KCNK10: variants seen among roughly 807,000 people sequenced by gnomAD.
KCNK10 encodes potassium channel subfamily K member 10.
In KCNK10, 25 loss-of-function variants were observed where a neutral mutation model predicts 47.7. That is an observed-to-expected ratio of 0.52 (90% CI 0.38 to 0.73). KCNK10 has a LOEUF of 0.73. Among genes scored for constraint, KCNK10 ranks in the 30% least tolerant of loss-of-function variants. The pLI, the probability that KCNK10 is intolerant of heterozygous loss-of-function variation, is 0.00. For missense variants in KCNK10, 563 were observed against 714.5 expected (o/e 0.79, Z 2.42); for synonymous variants, 303 against 285.6 (o/e 1.06, Z -0.61).
At chr14:88,272,118 C>T (rs1043699715) in intron 1 of KCNK10, among the ~76,000 whole-genome samples, 1 of 152,108 alleles carries the variant, frequency 6.6e-6, no homozygotes, top group East Asian at 1.9e-4. Flanking sequence ...AAAGACAGTC[C>T]CTTCTCCAAG....
chr14:88,288,112 CAT>C (rs1230403378), intron 1 of KCNK10, among the ~76,000 whole-genome samples: 2 of 151,952 alleles, frequency 1.3e-5, no homozygotes, highest in Admixed American at 1.3e-4. Context: ...AGCATTTTTT[CAT>C]ATGTTTGTTG....
At chr14:88,308,327 T>C (rs777573345) in intron 1 of KCNK10, among the ~76,000 whole-genome samples, 1 of 152,198 alleles carries the variant, frequency 6.6e-6, no homozygotes, top group African/African-American at 2.4e-5. Context: ...GGATTCTTAA[T>C]GGACACCCCA....
chr14:88,293,749 C>G (rs1355341796), intron 1 of KCNK10, among the ~76,000 whole-genome samples: 1 of 152,008 alleles, frequency 6.6e-6, no homozygotes, highest in Admixed American at 6.6e-5. Flanking sequence ...AATCATAGCT[C>G]ACCGTAACTT....
intron 4 of KCNK10, among the ~76,000 whole-genome samples, chr14:88,205,773 A>C (rs561842485): frequency 6.6e-6 from 1 of 151,556 alleles, no homozygotes; most frequent in South Asian, 2.1e-4. Context: ...CAATCTCTTG[A>C]CCTCATGATC....
chr14:88,263,316 C>G lies in KCNK10; in HGVS notation c.288G>C (p.Arg96=). Residue 96 remains arginine, a synonymous_variant, in exon 2 of 7, where the codon CGG becomes CGC. Transcript: ENST00000319231. Reference sequence around the variant, plus strand: ...TGCTCTCAAAGGGCTGCTCCAATGCCCGGAAGACAAGACCGCCAGTGACAA... The same window carrying G: ...TGCTCTCAAAGGGCTGCTCCAATGCGCGGAAGACAAGACCGCCAGTGACAA... The part of the protein sequence containing the change: ...VYLVTGGLVF[R]ALEQPFESSQ... 1 of 1,614,040 alleles carries G rather than the reference C, an allele frequency of 6.2e-7. No individual in the cohort carries two copies.
chr14:88,208,866 C>T (rs1455190608), intron 4 of KCNK10, among the ~76,000 whole-genome samples: 1 of 152,114 alleles, frequency 6.6e-6, no homozygotes, highest in Non-Finnish European at 1.5e-5. Context: ...TTTGTGACTA[C>T]TCGGGAGTGA....
At chr14:88,308,131 A>G (rs760337261) in intron 1 of KCNK10, among the ~76,000 whole-genome samples, 1 of 152,132 alleles carries the variant, frequency 6.6e-6, no homozygotes, top group Non-Finnish European at 1.5e-5. Context: ...GAGTATGGCC[A>G]CTGTTAATAA....
At chr14:88,299,680 A>G (rs1888056475) in intron 1 of KCNK10, among the ~76,000 whole-genome samples, 3 of 152,214 alleles carry the variant, frequency 2.0e-5, no homozygotes, top group Admixed American at 2.0e-4. Context: ...CTAGCACAGA[A>G]TACCTATGAT....
intron 4 of KCNK10, among the ~76,000 whole-genome samples, chr14:88,202,584 G>A (rs911821443): frequency 1.3e-5 from 2 of 151,992 alleles, no homozygotes; most frequent in East Asian, 1.9e-4. Context: ...CTCCTCTTTC[G>A]TCTCACTGGC....
chr14:88,302,922 T>C (rs1332042598), intron 1 of KCNK10, among the ~76,000 whole-genome samples: 1 of 152,140 alleles, frequency 6.6e-6, no homozygotes, highest in African/African-American at 2.4e-5. Context: ...AATGACAACA[T>C]TTCAAAGAAG....
intron 3 of KCNK10, chr14:88,235,358 C>T (rs1286606317): frequency 2.5e-6 from 1 of 403,778 alleles, no homozygotes. Context: ...AAAAGAGTAG[C>T]AAAACTTACC....
intron 4 of KCNK10, among the ~76,000 whole-genome samples, chr14:88,211,528 TTA>T: frequency 1.5e-5 from 1 of 68,134 alleles, no homozygotes; most frequent in Non-Finnish European, 3.5e-5. Context: ...TTTAACACAA[TTA>T]AAAAAAGGCA....
intron 3 of KCNK10, among the ~76,000 whole-genome samples, chr14:88,231,799 C>T (rs1886166711): frequency 6.6e-6 from 1 of 152,178 alleles, no homozygotes; most frequent in Non-Finnish European, 1.5e-5. Flanking sequence ...GTTTGCTATA[C>T]ACTTGTAAAT....
intron 1 of KCNK10, among the ~76,000 whole-genome samples, chr14:88,321,209 C>T (rs1888539548): frequency 6.6e-6 from 1 of 152,150 alleles, no homozygotes; most frequent in Non-Finnish European, 1.5e-5. Flanking sequence ...ACTTGCTGTT[C>T]CCTCTTCTGC....
chr14:88,325,217 G>A (rs1207921195), upstream of KCNK10, among the ~76,000 whole-genome samples: 2 of 152,088 alleles, frequency 1.3e-5, no homozygotes, highest in Non-Finnish European at 2.9e-5. Flanking sequence ...AAAGGCTTTC[G>A]AACCTCCCTC....
Position 88,260,880 on chromosome 14 carries a change from C to A in KCNK10, c.402+2322G>T, listed in dbSNP as rs1887091111. Among the ~76,000 whole-genome samples, 1 of 152,194 alleles carries A rather than the reference C, an allele frequency of 6.6e-6. No individual in the cohort carries two copies. The highest frequency in any genetic ancestry group is 6.5e-5 in the Admixed American group (1 of 15,282). ...CACATATCTCATTTCACAGAGAAAT[C>A]TTTGAGGTCAAAACAGGACACCAGT... On this transcript the variant is annotated intron_variant, in intron 2 of 6. Coordinates refer to ENST00000319231, the MANE Select transcript of KCNK10 (RefSeq NM_138317.3). This position sits in a 1 kb window ranked among gnomAD's most constrained non-coding sequence, Gnocchi z 4.5.
In KCNK10 at chr14:88,183,795, C is replaced by T. The variant is rs1180720983; in HGVS notation, c.*1740G>A. On this transcript the variant is annotated 3_prime_UTR_variant, in exon 7 of 7. Coordinates refer to ENST00000319231, the MANE Select transcript of KCNK10 (RefSeq NM_138317.3). ...GAGAAATGGGCAGGGACAGGTCTTC[C>T]ATGGTACCAGTGGTTGAGGATGTCG... The T allele has an allele frequency of 1.3e-5, 2 of 152,378 alleles. No homozygotes were observed. The highest frequency in any genetic ancestry group is 4.8e-5 in the African/African-American group (2 of 41,442). The allele number at this position is 152,378 out of a possible 1,614,324, so 9.4% of individuals were successfully genotyped here. A position where few individuals can be genotyped will look rare whatever the true frequency, so the allele number is the denominator to read the frequency against.
At chr14:88,291,147 C>T (rs918003054) in intron 1 of KCNK10, among the ~76,000 whole-genome samples, 1 of 152,206 alleles carries the variant, frequency 6.6e-6, no homozygotes, top group Admixed American at 6.5e-5. Flanking sequence ...AACTCCTGGT[C>T]GTGGAAACCA....
chr14:88,182,036 G>GCGCACACACACACA lies in KCNK10; in HGVS notation c.*3498_*3499insTGTGTGTGTGTGCG, dbSNP rs878911675. ...AGATGGCCCAACACCACCCCAACCC[G>GCGCACACACACACA]CACACACACACACACACACACACAC... On this transcript the variant is annotated 3_prime_UTR_variant, in exon 7 of 7. Transcript: ENST00000319231. 1.0e-4 allele frequency: 14 copies of GCGCACACACACACA among 137,146 alleles called. No homozygotes were observed. Among genetic ancestry groups the GCGCACACACACACA allele is most frequent in the Admixed American group, 2.2e-4 (3 of 13,650 alleles). 8.5% of individuals were successfully genotyped at this position (137,146 alleles called of 1,614,324 possible).
Sources: allele counts gnomAD v4.1 joint callset (sites outside exome capture counted in the v4.1 genomes callset), GRCh38; gene constraint gnomAD v4.1.1; non-coding constraint Gnocchi (gnomAD v3.1); transcripts MANE v1.5; gene names NCBI Gene and HGNC (gene_info 2026-07-23, HGNC 2026-07-21).